RNLS: variants seen among roughly 807,000 people sequenced by gnomAD.
RNLS encodes the protein renalase, FAD dependent amine oxidase, also known as renalase.
Under a neutral mutation model 39.8 loss-of-function variants are expected in RNLS, and 39 were observed. The observed-to-expected ratio is 0.98, with a 90% CI of 0.76 to 1.28. The LOEUF is 1.28. Ranked by LOEUF, RNLS falls within the 50% of genes most tolerant of loss-of-function variation. RNLS has a pLI of 0.00. For synonymous variants in RNLS, 147 were observed against 150.7 expected, an observed-to-expected ratio of 0.98 and a Z score of 0.18; for missense variants, 410 against 413.3, an observed-to-expected ratio of 0.99 and a Z score of 0.07.
At position 88,562,014 on chromosome 10, in the gene RNLS, T is replaced by G. The variant is rs117958444; in HGVS notation, c.526+10889A>C. Among the ~76,000 whole-genome samples, 744 of 152,264 alleles carry G rather than the reference T, an allele frequency of 4.9e-3. 15 individuals are homozygous for G. Among genetic ancestry groups the G allele is most frequent in the East Asian group, 0.017 (90 of 5,186 alleles). On this transcript the variant is annotated intron_variant, in intron 4 of 6. Transcript: ENST00000331772. Reference sequence around the variant, plus strand: ...TTTTTACTTATCACTTTGGCAGAAATGTTAAGATTGATAAAAATTTAAAAT... The same window carrying G: ...TTTTTACTTATCACTTTGGCAGAAAGGTTAAGATTGATAAAAATTTAAAAT...
At chr10:88,512,436 T>C (rs1459040878) in intron 4 of RNLS, among the ~76,000 whole-genome samples, 1 of 152,162 alleles carries the variant, frequency 6.6e-6, no homozygotes, top group Non-Finnish European at 1.5e-5. Context: ...AAATATTTCT[T>C]ATTCATTACT....
the RNLS span, among the ~76,000 whole-genome samples, chr10:88,199,301 G>C: frequency 1.3e-5 from 2 of 152,052 alleles, no homozygotes; most frequent in African/African-American, 4.8e-5. Context: ...CCTTCTTTGG[G>C]TGTGGCCTGG....
the RNLS span, among the ~76,000 whole-genome samples, chr10:88,200,456 A>G: frequency 6.6e-6 from 1 of 152,204 alleles, no homozygotes; most frequent in Non-Finnish European, 1.5e-5. Flanking sequence ...ATACACACCC[A>G]GTCTAGGTGA....
At chr10:88,259,303 T>A in the RNLS span, 1 of 152,150 alleles carries the variant, frequency 6.6e-6, no homozygotes, top group South Asian at 2.1e-4. Flanking sequence ...GCAGAAACTA[T>A]CACATCAATC....
At chr10:88,334,258 A>C (rs972033324) in intron 5 of RNLS, among the ~76,000 whole-genome samples, 1 of 152,212 alleles carries the variant, frequency 6.6e-6, no homozygotes, top group African/African-American at 2.4e-5. Context: ...CTGTTAGTTT[A>C]AAACATATCT....
chr10:88,398,096 C>A (rs1852673503), intron 4 of RNLS, among the ~76,000 whole-genome samples: 1 of 152,042 alleles, frequency 6.6e-6, no homozygotes, highest in South Asian at 2.1e-4. Context: ...GCAAGGCCAA[C>A]AGATCAGAAG....
intron 5 of RNLS, among the ~76,000 whole-genome samples, chr10:88,352,499 C>A (rs555254267): frequency 6.6e-6 from 1 of 152,142 alleles, no homozygotes; most frequent in Non-Finnish European, 1.5e-5. Flanking sequence ...TGCTGGATTA[C>A]GTTTATTGAT....
At chr10:88,230,408 C>A in the RNLS span, among the ~76,000 whole-genome samples, 1 of 152,110 alleles carries the variant, frequency 6.6e-6, no homozygotes, top group Non-Finnish European at 1.5e-5. Context: ...TGCCCTCATC[C>A]ACCTGAGTCG....
chr10:88,577,352 C>T (rs1417873249), intron 3 of RNLS, among the ~76,000 whole-genome samples: 13 of 152,160 alleles, frequency 8.5e-5, no homozygotes, highest in Non-Finnish European at 1.2e-4. Flanking sequence ...GAGCACCTCT[C>T]ATTGCCCTCC....
At chr10:88,350,223 T>G (rs1223974582) in intron 5 of RNLS, among the ~76,000 whole-genome samples, 1 of 152,160 alleles carries the variant, frequency 6.6e-6, no homozygotes, top group Admixed American at 6.5e-5. Flanking sequence ...TTCTTTTTTT[T>G]TTTTAATATG....
rs114630097 is a variant in RNLS, at chr10:88,287,253, T to C, written c.877-1747A>G. Among the ~76,000 whole-genome samples, 141 of 152,270 alleles carry C rather than the reference T, an allele frequency of 9.3e-4. 2 individuals are homozygous for C. The highest frequency in any genetic ancestry group is 3.1e-3 in the African/African-American group (129 of 41,560). On this transcript the variant is annotated intron_variant, in intron 6 of 6. Transcript: ENST00000331772. ...GTGTCACTGAGATACAAAAGTGAAA[T>C]ATTAAGAGTATCCTCTCATGTTTCT... is the stretch of plus-strand genomic sequence containing the variant.
the RNLS span, among the ~76,000 whole-genome samples, chr10:88,195,567 T>G: frequency 6.6e-6 from 1 of 152,176 alleles, no homozygotes; most frequent in Non-Finnish European, 1.5e-5. Context: ...GATGCTGACC[T>G]GTACACCAAG....
chr10:88,385,596 T>C (rs1313426839), intron 4 of RNLS, among the ~76,000 whole-genome samples: 3 of 152,202 alleles, frequency 2.0e-5, no homozygotes, highest in South Asian at 2.1e-4. Context: ...ACCCTCTCTG[T>C]CTCTGCCAAG....
At chr10:88,360,654 T>G (rs1589647042) in intron 5 of RNLS, among the ~76,000 whole-genome samples, 1 of 152,138 alleles carries the variant, frequency 6.6e-6, no homozygotes, top group Non-Finnish European at 1.5e-5. Context: ...GCCAGTCTGG[T>G]CTTGAACTCC....
chr10:88,434,890 T>G (rs546793042), intron 4 of RNLS, among the ~76,000 whole-genome samples: 22 of 152,072 alleles, frequency 1.4e-4, no homozygotes, highest in African/African-American at 4.8e-4. Context: ...ATAGAAAAGG[T>G]ATTAAAAAAT....
At chr10:88,454,559 G>T (rs891205032) in intron 4 of RNLS, among the ~76,000 whole-genome samples, 2 of 152,186 alleles carry the variant, frequency 1.3e-5, no homozygotes, top group African/African-American at 4.8e-5. Context: ...TAAATGGCAG[G>T]TAAATGATTA....
Position 88,393,924 on chromosome 10 carries a change from C to G in RNLS, c.527-31199G>C, listed in dbSNP as rs202085590. On this transcript the variant is annotated intron_variant, in intron 4 of 6. Transcript: ENST00000331772. ...ACTATCTGATCTTTGACAAACCTGA[C>G]AAAAACAAGCAATGGGGAAAGGATT... is the stretch of plus-strand genomic sequence containing the variant. Among the ~76,000 whole-genome samples, 90 of 152,144 alleles carry G rather than the reference C, an allele frequency of 5.9e-4. 1 individual carries two copies. The East Asian group carries it at 0.013, about 22-fold the overall frequency.
chr10:88,196,099 C>T, the RNLS span, among the ~76,000 whole-genome samples: 1 of 152,234 alleles, frequency 6.6e-6, no homozygotes, highest in Admixed American at 6.5e-5. Flanking sequence ...CAGAAATTTT[C>T]CAAATGCTAC....
chr10:88,260,217 C>CA, the RNLS span, among the ~76,000 whole-genome samples: 1 of 152,270 alleles, frequency 6.6e-6, no homozygotes, highest in Non-Finnish European at 1.5e-5. Flanking sequence ...TGAAGATAAG[C>CA]AAACTTGAGC....
Sources: gnomAD v4.1 joint callset for allele counts (sites outside exome capture counted in the v4.1 genomes callset) on GRCh38, gnomAD v4.1.1 for gene constraint, MANE v1.5 for transcripts, NCBI Gene and HGNC (gene_info 2026-07-23, HGNC 2026-07-21) for gene names.